The following IL15 variants were observed in gnomAD, a reference collection of about 807,000 sequenced individuals.
The protein encoded by IL15 is interleukin 15.
IL15 carries 11 observed loss-of-function variants against 19.6 expected under a neutral mutation model. The observed-to-expected ratio is 0.56, with a 90% CI of 0.35 to 0.93. IL15 has a LOEUF of 0.93. IL15 is among the 40% of genes least tolerant of loss of function. The pLI is 0.01. For synonymous variants in IL15, 58 were observed against 59.6 expected, an observed-to-expected ratio of 0.97 and a Z score of 0.12; for missense variants, 197 against 186.5, an observed-to-expected ratio of 1.06 and a Z score of -0.33.
chr4:141,689,930 C>A (rs528176294), intron 2 of IL15, among the ~76,000 whole-genome samples: 5 of 152,268 alleles, frequency 3.3e-5, no homozygotes, highest in African/African-American at 1.2e-4. Context: ...CGGGGAGGCT[C>A]GGGCCTCACA....
chr4:141,717,090 A>G (rs2152188436), intron 2 of IL15: 1 of 152,326 alleles, frequency 6.6e-6, no homozygotes, highest in African/African-American at 2.4e-5. Context: ...AGTATTACCT[A>G]GATAACTCGA....
At chr4:141,699,354 T>C (rs1017891556) in intron 2 of IL15, among the ~76,000 whole-genome samples, 1 of 152,172 alleles carries the variant, frequency 6.6e-6, no homozygotes, top group African/African-American at 2.4e-5. Context: ...ATTTGTTCTA[T>C]GGTATAGCTT....
At chr4:141,677,580 G>C (rs1358260028) in intron 2 of IL15, among the ~76,000 whole-genome samples, 1 of 152,084 alleles carries the variant, frequency 6.6e-6, no homozygotes, top group Non-Finnish European at 1.5e-5. Flanking sequence ...GTAGGAGTGA[G>C]GTACCAGTTT....
Position 141,656,307 on chromosome 4 carries a change from T to C in IL15, c.-100T>C, listed in dbSNP as rs1389526683. 2 of 397,916 alleles carry C rather than the reference T, an allele frequency of 5.0e-6. No homozygotes were observed. Among genetic ancestry groups the C allele is most frequent in the East Asian group, 3.6e-5 (1 of 28,062 alleles). The allele number at this position is 397,916 out of a possible 1,614,324, so 24.6% of individuals were successfully genotyped here. A position where few individuals can be genotyped will look rare whatever the true frequency, so the allele number is the denominator to read the frequency against. On this transcript the variant is annotated splice_region_variant and 5_prime_UTR_variant, in exon 2 of 8. Transcript: ENST00000320650. ...CAGATAGCCAGCCCATACAAGATCG[T>C]GTAAGTAAAGTTTTAAAAGTTTTAT...
intron 2 of IL15, among the ~76,000 whole-genome samples, chr4:141,675,511 G>A (rs1056555372): frequency 6.6e-6 from 1 of 152,138 alleles, no homozygotes; most frequent in Admixed American, 6.6e-5. Context: ...CCAGTAAATT[G>A]CATACTGAAG....
intron 2 of IL15, among the ~76,000 whole-genome samples, chr4:141,667,409 G>C (rs1728027183): frequency 1.3e-5 from 2 of 152,278 alleles, no homozygotes; most frequent in East Asian, 3.9e-4. Flanking sequence ...GTAGAGAGTT[G>C]GGTGTCCACT....
chr4:141,671,633 T>C (rs1728180207), intron 2 of IL15, among the ~76,000 whole-genome samples: 1 of 152,158 alleles, frequency 6.6e-6, no homozygotes, highest in Admixed American at 6.5e-5. Context: ...AGTTTCTTCA[T>C]TAGGTAGTCC....
At chr4:141,689,398 C>G (rs905338351) in intron 2 of IL15, among the ~76,000 whole-genome samples, 2 of 152,102 alleles carry the variant, frequency 1.3e-5, no homozygotes, top group African/African-American at 4.8e-5. Flanking sequence ...AGGTTCTCCA[C>G]GTCCCCACCA....
At chr4:141,728,413 A>G (rs115363216) in intron 6 of IL15, among the ~76,000 whole-genome samples, 130 of 152,258 alleles carry the variant, frequency 8.5e-4, no homozygotes, top group African/African-American at 3.0e-3. Context: ...TGCATTTTAC[A>G]TGATTCTCTA....
chr4:141,650,203 A>C (rs545535746), intron 1 of IL15, among the ~76,000 whole-genome samples: 5,884 of 152,116 alleles, frequency 0.039, 362 homozygotes, highest in African/African-American at 0.13. Flanking sequence ...TTGTCACAGA[A>C]AATTGTAACT....
chr4:141,686,452 G>T (rs1181221459), intron 2 of IL15, among the ~76,000 whole-genome samples: 1 of 152,150 alleles, frequency 6.6e-6, no homozygotes, highest in African/African-American at 2.4e-5. Context: ...AAGAGCATGA[G>T]CCCAGAAGTG....
At chr4:141,649,687 C>T (rs1022810270) in intron 1 of IL15, among the ~76,000 whole-genome samples, 1 of 151,974 alleles carries the variant, frequency 6.6e-6, no homozygotes, top group Non-Finnish European at 1.5e-5. Flanking sequence ...CATTAGCTAA[C>T]ATAACACAAC....
chr4:141,725,152 A>G (rs1730216449), intron 5 of IL15, among the ~76,000 whole-genome samples: 1 of 152,180 alleles, frequency 6.6e-6, no homozygotes, highest in African/African-American at 2.4e-5. Flanking sequence ...TTTGAAAGTC[A>G]AGCAATGTAA....
At chr4:141,731,494 C>G (rs1478258718) in intron 7 of IL15, among the ~76,000 whole-genome samples, 3 of 152,036 alleles carry the variant, frequency 2.0e-5, no homozygotes, top group African/African-American at 7.2e-5. Context: ...AAAGAGTGAG[C>G]CACGCAACAG....
intron 2 of IL15, among the ~76,000 whole-genome samples, chr4:141,701,643 C>T (rs1231683487): frequency 6.6e-6 from 1 of 152,164 alleles, no homozygotes; most frequent in African/African-American, 2.4e-5. Context: ...CTGGTTGTAG[C>T]TAAGGCAGGT....
At chr4:141,682,728 G>T (rs962760309) in intron 2 of IL15, among the ~76,000 whole-genome samples, 2 of 152,072 alleles carry the variant, frequency 1.3e-5, no homozygotes, top group Non-Finnish European at 2.9e-5. Flanking sequence ...AGGCCGAGGC[G>T]GGTGGTTCAC....
intron 5 of IL15, among the ~76,000 whole-genome samples, chr4:141,726,136 G>A (rs1730256310): frequency 6.6e-6 from 1 of 152,074 alleles, no homozygotes; most frequent in Non-Finnish European, 1.5e-5. Flanking sequence ...CTGCCACATT[G>A]GGGATTAAGT....
chr4:141,718,542 TG>T (rs1461270903), intron 2 of IL15: 1 of 152,222 alleles, frequency 6.6e-6, no homozygotes, highest in Non-Finnish European at 1.5e-5. Flanking sequence ...GTATTTCTAT[TG>T]GATACACCTT....
rs561172412 is a variant in IL15 at position 141,655,487 on chromosome 4, C to G, written c.-221-699C>G. 3.3e-5 allele frequency among the ~76,000 whole-genome samples: 5 copies of G among 152,052 alleles called. No individual in the cohort carries two copies. The South Asian group carries it at 1.0e-3, about 32-fold the overall frequency. On this transcript the variant is annotated intron_variant, in intron 1 of 7. Coordinates refer to ENST00000320650, the MANE Select transcript of IL15 (RefSeq NM_000585.5). ...AATCTTTTTCTTCAACACAAAGCTT[C>G]ATGCGGATTCTTGGATCATACTGAA...
Sources: allele counts gnomAD v4.1 joint callset (sites outside exome capture counted in the v4.1 genomes callset), GRCh38; gene constraint gnomAD v4.1.1; transcripts MANE v1.5; gene names NCBI Gene and HGNC (gene_info 2026-07-23, HGNC 2026-07-21).